The following GIPC2 variants were observed in gnomAD, a reference collection of about 807,000 sequenced individuals.
GIPC2 encodes PDZ domain-containing protein GIPC2.
GIPC2 carries 30 observed loss-of-function variants against 30.6 expected under a neutral mutation model. The ratio of observed to expected loss-of-function variants is 0.98; its 90% confidence interval spans 0.73 to 1.33. The LOEUF is 1.33. GIPC2 is among the 40% of genes most tolerant of loss of function. The pLI is 0.00. For synonymous variants in GIPC2, 167 were observed against 150.0 expected (o/e 1.11, Z -0.83); for missense variants, 414 against 390.3 (o/e 1.06, Z -0.51).
chr1:78,063,390 G>A (rs1434022080), intron 1 of GIPC2, among the ~76,000 whole-genome samples: 3 of 151,888 alleles, frequency 2.0e-5, no homozygotes, highest in Non-Finnish European at 4.4e-5. Context: ...TACTCGGGAG[G>A]CTGAGGCAGG....
At chr1:78,091,373 A>G (rs1265438459) in intron 2 of GIPC2, 1 of 500,142 alleles carries the variant, frequency 2.0e-6, no homozygotes, top group Non-Finnish European at 3.6e-6. Context: ...CATGTAGCTC[A>G]GAGTCTGGTG....
At chr1:78,061,762 G>A (rs1661398202) in intron 1 of GIPC2, among the ~76,000 whole-genome samples, 1 of 151,662 alleles carries the variant, frequency 6.6e-6, no homozygotes, top group African/African-American at 2.4e-5. Context: ...GATTATAGGC[G>A]CACACCACCA....
At chr1:78,097,547 C>G in intron 3 of GIPC2, among the ~76,000 whole-genome samples, 1 of 152,322 alleles carries the variant, frequency 6.6e-6, no homozygotes, top group South Asian at 2.1e-4. Context: ...GTAACTAGGA[C>G]TGCAAGCACC....
chr1:78,063,712 C>T (rs988481136), intron 1 of GIPC2, among the ~76,000 whole-genome samples: 3 of 151,848 alleles, frequency 2.0e-5, no homozygotes, highest in African/African-American at 7.3e-5. Context: ...TGGTGAAACC[C>T]ATCTCTACTA....
intron 2 of GIPC2, among the ~76,000 whole-genome samples, chr1:78,088,099 AAAT>A (rs1661966028): frequency 6.6e-6 from 1 of 152,124 alleles, no homozygotes; most frequent in African/African-American, 2.4e-5. Context: ...AAAAATAAAA[AAAT>A]AAGTTGCTGG....
intron 1 of GIPC2, among the ~76,000 whole-genome samples, chr1:78,055,782 A>G (rs970267117): frequency 2.6e-5 from 4 of 152,216 alleles, no homozygotes; most frequent in Admixed American, 6.5e-5. Context: ...CTACAGGGTC[A>G]TGTGGTACAG....
At chr1:78,064,696 T>C (rs1006511260) in intron 1 of GIPC2, among the ~76,000 whole-genome samples, 2 of 151,824 alleles carry the variant, frequency 1.3e-5, no homozygotes, top group Non-Finnish European at 2.9e-5. Flanking sequence ...GGTCTTGTTC[T>C]GTCACCCAGG....
At chr1:78,075,461 A>G (rs1044114512) in intron 1 of GIPC2, among the ~76,000 whole-genome samples, 3 of 152,144 alleles carry the variant, frequency 2.0e-5, no homozygotes, top group Non-Finnish European at 4.4e-5. Context: ...GTCTCAAAAT[A>G]AATAAGAGGT....
At chr1:78,050,673 C>T (rs1423760941) in intron 1 of GIPC2, among the ~76,000 whole-genome samples, 1 of 149,836 alleles carries the variant, frequency 6.7e-6, no homozygotes, top group Non-Finnish European at 1.5e-5. Context: ...CTCGCTCTGT[C>T]GCCCAGGCTG....
chr1:78,071,601 C>CTT (rs891562923), intron 1 of GIPC2, among the ~76,000 whole-genome samples: 1 of 132,242 alleles, frequency 7.6e-6, no homozygotes. Context: ...TCTTCTTCTT[C>CTT]TTTTTTTTTT....
At chr1:78,124,271 A>G (rs1662741661) in intron 4 of GIPC2, among the ~76,000 whole-genome samples, 1 of 152,194 alleles carries the variant, frequency 6.6e-6, no homozygotes, top group Non-Finnish European at 1.5e-5. Context: ...GGGAAGAACA[A>G]AAATGTTTTG....
chr1:78,125,362 A>T (rs973758326), intron 4 of GIPC2, among the ~76,000 whole-genome samples: 5 of 151,818 alleles, frequency 3.3e-5, no homozygotes, highest in South Asian at 2.1e-4. Context: ...TAATTAATTA[A>T]TTTTTTTTGT....
intron 5 of GIPC2, among the ~76,000 whole-genome samples, chr1:78,134,993 C>T (rs1301320125): frequency 6.6e-6 from 1 of 152,192 alleles, no homozygotes; most frequent in African/African-American, 2.4e-5. Flanking sequence ...AAAAACTGAA[C>T]AAGGCCGCCA....
chr1:78,105,489 T>C (rs1662328242), intron 3 of GIPC2, among the ~76,000 whole-genome samples: 1 of 152,128 alleles, frequency 6.6e-6, no homozygotes, highest in African/African-American at 2.4e-5. Context: ...GGTTTCACCA[T>C]GTTGGCCAAG....
intron 5 of GIPC2, among the ~76,000 whole-genome samples, chr1:78,132,575 T>A (rs978342021): frequency 3.3e-5 from 5 of 152,038 alleles, no homozygotes; most frequent in Non-Finnish European, 7.4e-5. Flanking sequence ...GTTCCCGGGC[T>A]TAGTGCACTA....
intron 1 of GIPC2, among the ~76,000 whole-genome samples, chr1:78,074,780 A>C (rs1293600402): frequency 6.6e-6 from 1 of 152,230 alleles, no homozygotes; most frequent in Non-Finnish European, 1.5e-5. Context: ...TATTGGAAGT[A>C]AGGAGGAGAG....
At chr1:78,067,754 A>G (rs1245449299) in intron 1 of GIPC2, among the ~76,000 whole-genome samples, 1 of 152,080 alleles carries the variant, frequency 6.6e-6, no homozygotes, top group Non-Finnish European at 1.5e-5. Flanking sequence ...CCTCGCCTCA[A>G]ATTTTTCTTA....
intron 4 of GIPC2, among the ~76,000 whole-genome samples, chr1:78,121,361 T>A (rs1026918040): frequency 6.6e-6 from 1 of 152,136 alleles, no homozygotes; most frequent in African/African-American, 2.4e-5. Flanking sequence ...AGGGTCTCTC[T>A]GTATGTGAAT....
intron 2 of GIPC2, among the ~76,000 whole-genome samples, chr1:78,090,423 G>T (rs1405684324): frequency 2.6e-5 from 4 of 152,068 alleles, no homozygotes; most frequent in Admixed American, 6.6e-5. Context: ...TTGAACTCCT[G>T]ACTTCAGGTG....
Sources: allele counts gnomAD v4.1 joint callset (sites outside exome capture counted in the v4.1 genomes callset), GRCh38; gene constraint gnomAD v4.1.1; transcripts MANE v1.5; gene names NCBI Gene and HGNC (gene_info 2026-07-23, HGNC 2026-07-21).